MICU1: variants seen among roughly 807,000 people sequenced by gnomAD.
MICU1 encodes the protein calcium uptake protein 1, mitochondrial.
A neutral mutation model predicts 56.8 loss-of-function variants in MICU1; 45 were observed. That is an observed-to-expected ratio of 0.79 (90% CI 0.62 to 1.02). MICU1 has a LOEUF of 1.02. Among genes scored for constraint, MICU1 ranks in the 50% least tolerant of loss-of-function variants. The pLI, the probability that MICU1 is intolerant of heterozygous loss-of-function variation, is 0.00. For missense variants in MICU1, 504 were observed against 587.1 expected (o/e 0.86, Z 1.46); for synonymous variants, 186 against 195.1 (o/e 0.95, Z 0.39).
intron 3 of MICU1, among the ~76,000 whole-genome samples, chr10:72,552,403 T>C (rs1332817084): frequency 6.6e-6 from 1 of 152,170 alleles, no homozygotes; most frequent in Non-Finnish European, 1.5e-5. Flanking sequence ...TACCTGAATT[T>C]TACAGTTGAA....
chr10:72,425,564 T>C (rs1864320393), intron 8 of MICU1, among the ~76,000 whole-genome samples: 1 of 152,224 alleles, frequency 6.6e-6, no homozygotes, highest in Non-Finnish European at 1.5e-5. Context: ...ATTATGATTA[T>C]TTTTAAGTGA....
At chr10:72,371,884 T>C (rs1862355815) in intron 11 of MICU1, among the ~76,000 whole-genome samples, 8 of 151,814 alleles carry the variant, frequency 5.3e-5, no homozygotes, top group Admixed American at 5.3e-4. Flanking sequence ...AGTGAGACCC[T>C]GTCTCTACAA....
intron 8 of MICU1, among the ~76,000 whole-genome samples, chr10:72,450,356 T>C (rs1865256797): frequency 1.3e-5 from 2 of 151,586 alleles, no homozygotes; most frequent in Non-Finnish European, 2.9e-5. Flanking sequence ...TAGTTAAGAG[T>C]GATTGATGAG....
intron 1 of MICU1, among the ~76,000 whole-genome samples, chr10:72,568,855 C>A (rs1443347653): frequency 6.8e-6 from 1 of 147,876 alleles, no homozygotes; most frequent in Non-Finnish European, 1.5e-5. Context: ...CGGGTTCAAG[C>A]GATTCTCCTG....
chr10:72,606,021 C>T (rs1278431802), intron 1 of MICU1, among the ~76,000 whole-genome samples: 1 of 151,104 alleles, frequency 6.6e-6, no homozygotes, highest in Non-Finnish European at 1.5e-5. Context: ...GTCCCAGCTA[C>T]TCAGGAGGCT....
At chr10:72,572,109 A>C (rs1336458613) in intron 1 of MICU1, among the ~76,000 whole-genome samples, 1 of 152,068 alleles carries the variant, frequency 6.6e-6, no homozygotes, top group Non-Finnish European at 1.5e-5. Context: ...GTATATACTA[A>C]AGAAGCTCAT....
intron 3 of MICU1, among the ~76,000 whole-genome samples, chr10:72,559,971 C>G (rs1312514537): frequency 6.6e-6 from 1 of 152,208 alleles, no homozygotes; most frequent in East Asian, 1.9e-4. Flanking sequence ...GCCTGATGAT[C>G]TGCGGTGGAA....
At chr10:72,542,253 AT>A in intron 4 of MICU1, among the ~76,000 whole-genome samples, 1 of 152,048 alleles carries the variant, frequency 6.6e-6, no homozygotes, top group East Asian at 1.9e-4. Flanking sequence ...GCTTCTTGTG[AT>A]TTTTTTTCAC....
chr10:72,428,081 C>T lies in MICU1; in HGVS notation c.934-4710G>A, dbSNP rs542481090. On this transcript the variant is annotated intron_variant, in intron 8 of 11. Transcript: ENST00000361114. ...CACTCAAGAGCCCAGGTCAGACTGCCAGGAGTCTGAATTTTCTTGATCTTT... is the reference window on the plus strand; with the variant it reads ...CACTCAAGAGCCCAGGTCAGACTGCTAGGAGTCTGAATTTTCTTGATCTTT... Among the ~76,000 whole-genome samples, 5 of 152,198 alleles carry T rather than the reference C, an allele frequency of 3.3e-5. No individual in the cohort carries two copies. The East Asian group carries it at 5.8e-4, about 18-fold the overall frequency.
chr10:72,408,149 C>A (rs1863690586), intron 9 of MICU1, 112 bp from the exon 10 acceptor site: 6 of 646,142 alleles, frequency 9.3e-6, no homozygotes, highest in Non-Finnish European at 1.6e-5. Flanking sequence ...ATGTCTAGAA[C>A]AGAAACTGAA....
At chr10:72,472,772 G>A (rs1035441763) in intron 8 of MICU1, among the ~76,000 whole-genome samples, 2 of 152,168 alleles carry the variant, frequency 1.3e-5, no homozygotes, top group Non-Finnish European at 2.9e-5. Context: ...ATAAAGATGA[G>A]AGTTAATTTC....
chr10:72,500,456 G>A (rs1168023820), intron 6 of MICU1, among the ~76,000 whole-genome samples: 1 of 150,374 alleles, frequency 6.7e-6, no homozygotes, highest in African/African-American at 2.4e-5. Context: ...CTAATAGCTG[G>A]GATTACAGGT....
intron 1 of MICU1, among the ~76,000 whole-genome samples, chr10:72,624,757 G>C (rs746915706): frequency 6.6e-6 from 1 of 152,180 alleles, no homozygotes; most frequent in African/African-American, 2.4e-5. Context: ...GGTAGCCAGA[G>C]TGATGTTCTT....
chr10:72,455,076 C>T (rs1304817185), intron 8 of MICU1, among the ~76,000 whole-genome samples: 3 of 151,966 alleles, frequency 2.0e-5, no homozygotes, highest in African/African-American at 2.4e-5. Flanking sequence ...TTCGGCCAGG[C>T]GCAGTGGCTC....
At position 72,413,732 on chromosome 10, in the gene MICU1, T is replaced by A. The variant is rs191289662; in HGVS notation, c.1072-5695A>T. Among the ~76,000 whole-genome samples, 919 of 151,492 alleles carry A rather than the reference T, an allele frequency of 6.1e-3. 6 individuals are homozygous for A. The highest frequency in any genetic ancestry group is 0.021 in the African/African-American group (883 of 41,240). On this transcript the variant is annotated intron_variant, in intron 9 of 11. Coordinates refer to ENST00000361114, the MANE Select transcript of MICU1 (RefSeq NM_001195518.2). ...CTGGGCGACAGAGGGAGACCCTGTC[T>A]CAAAAATAAAAAAAAAAGGACTTGT...
chr10:72,397,435 T>C (rs1411024233), intron 10 of MICU1, among the ~76,000 whole-genome samples: 1 of 152,170 alleles, frequency 6.6e-6, no homozygotes. Flanking sequence ...CATAGCAATA[T>C]TAACCTTAAA....
chr10:72,459,515 G>T (rs1865584098), intron 8 of MICU1, among the ~76,000 whole-genome samples: 1 of 152,018 alleles, frequency 6.6e-6, no homozygotes, highest in Admixed American at 6.6e-5. Context: ...CACGTCCTTA[G>T]CTGGATATGA....
chr10:72,619,072 T>C (rs1842043167), intron 1 of MICU1, among the ~76,000 whole-genome samples: 1 of 152,262 alleles, frequency 6.6e-6, no homozygotes, highest in Admixed American at 6.5e-5. Flanking sequence ...ATTCTCTAAA[T>C]ATATCAGACT....
intron 3 of MICU1, among the ~76,000 whole-genome samples, chr10:72,552,156 TAAAC>T (rs1488860120): frequency 1.3e-5 from 2 of 152,210 alleles, no homozygotes; most frequent in African/African-American, 4.8e-5. Flanking sequence ...ATTATAAAAT[TAAAC>T]AAACTGCTAG....
Sources: gnomAD v4.1 joint callset for allele counts (sites outside exome capture counted in the v4.1 genomes callset) on GRCh38, gnomAD v4.1.1 for gene constraint, MANE v1.5 for transcripts, NCBI Gene and HGNC (gene_info 2026-07-23, HGNC 2026-07-21) for gene names.